CDK19: variants seen among roughly 807,000 people sequenced by gnomAD.
CDK19 encodes the protein cyclin dependent kinase 19.
In CDK19, 20 loss-of-function variants were observed where a neutral mutation model predicts 68.3. That is an observed-to-expected ratio of 0.29 (90% confidence interval 0.21 to 0.43). The LOEUF is 0.43. Among genes scored for constraint, CDK19 ranks in the 20% least tolerant of loss-of-function variants. The pLI is 1.00. For missense variants in CDK19, 339 were observed against 623.5 expected, an observed-to-expected ratio of 0.54 and a Z score of 4.86; for synonymous variants, 221 against 222.8, an observed-to-expected ratio of 0.99 and a Z score of 0.07.
At chr6:110,684,169 TA>T (rs1272710389) in intron 2 of CDK19, among the ~76,000 whole-genome samples, 4 of 151,838 alleles carry the variant, frequency 2.6e-5, no homozygotes, top group African/African-American at 9.7e-5. Context: ...TTCTGAGGGG[TA>T]TTCTAACTCA....
chr6:110,727,373 A>C (rs1355785712), intron 2 of CDK19, among the ~76,000 whole-genome samples: 1 of 152,088 alleles, frequency 6.6e-6, no homozygotes. Context: ...CTTTGAGATC[A>C]TCATGTCCAA....
chr6:110,696,561 G>A (rs576576199), intron 2 of CDK19, among the ~76,000 whole-genome samples: 31 of 152,242 alleles, frequency 2.0e-4, no homozygotes, highest in Admixed American at 7.2e-4. Context: ...TCAAAGTGTC[G>A]CTGCTTGCTG....
intron 8 of CDK19, among the ~76,000 whole-genome samples, chr6:110,626,101 T>C (rs1779072087): frequency 6.6e-6 from 1 of 152,202 alleles, no homozygotes. Context: ...TCACCAGTCA[T>C]TACTCAGATA....
intron 2 of CDK19, among the ~76,000 whole-genome samples, chr6:110,683,690 A>G (rs1463681259): frequency 6.6e-6 from 1 of 151,094 alleles, no homozygotes; most frequent in African/African-American, 2.4e-5. Flanking sequence ...TTTTTAGTAT[A>G]AGTATTTAAT....
intron 1 of CDK19, among the ~76,000 whole-genome samples, chr6:110,767,851 A>G (rs149482657): frequency 2.0e-5 from 3 of 152,334 alleles, no homozygotes; most frequent in African/African-American, 7.2e-5. Context: ...AGACTTGAGT[A>G]AAACTAAAAC....
chr6:110,709,957 G>C (rs1027686222), intron 2 of CDK19, among the ~76,000 whole-genome samples: 16 of 151,872 alleles, frequency 1.1e-4, no homozygotes, highest in Middle Eastern at 6.9e-3. Context: ...CTAATAAATA[G>C]GTTTGACTTT....
chr6:110,728,220 G>A lies in CDK19; in HGVS notation c.204+17906C>T, dbSNP rs545010712. Among the ~76,000 whole-genome samples, 13 of 151,582 alleles carry A rather than the reference G, an allele frequency of 8.6e-5. 1 individual carries two copies. The South Asian group carries it at 1.3e-3, about 15-fold the overall frequency. On this transcript the variant is annotated intron_variant, in intron 2 of 12. Coordinates refer to ENST00000368911, the MANE Select transcript of CDK19 (RefSeq NM_015076.5). ...GCAGAATTGCTTGAACCTGGGAAGC[G>A]GAGGTTGCAGTGAGCTGAGATTGCA...
chr6:110,722,623 CA>C (rs1775989158), intron 2 of CDK19, among the ~76,000 whole-genome samples: 1 of 151,660 alleles, frequency 6.6e-6, no homozygotes. Flanking sequence ...AAAATACTGT[CA>C]AATTTCAGTT....
intron 1 of CDK19, among the ~76,000 whole-genome samples, chr6:110,785,504 C>A (rs752839035): frequency 6.6e-6 from 1 of 152,096 alleles, no homozygotes; most frequent in Non-Finnish European, 1.5e-5. Context: ...ATAAGACAGA[C>A]AAAATATATT....
At position 110,670,585 on chromosome 6, in the gene CDK19, G is replaced by A. The variant is rs749411869; in HGVS notation, c.205-44C>T. The stretch of plus-strand genomic sequence containing the variant: ...GAGGGGTCACTGTTGTGTTAGCAAG[G>A]AGGGGGAAATGATGAATGTCTTATA... On this transcript the variant is annotated intron_variant, in intron 2 of 12. Coordinates refer to ENST00000368911, the MANE Select transcript of CDK19 (RefSeq NM_015076.5). 5.5e-5 allele frequency: 62 copies of A among 1,130,486 alleles called. 1 individual carries two copies. Among genetic ancestry groups the A allele is most frequent in the Non-Finnish European group, 1.7e-5 (13 of 743,080 alleles). The allele number at this position is 1,130,486 out of a possible 1,614,324, so 70.0% of individuals were successfully genotyped here. A position where few individuals can be genotyped will look rare whatever the true frequency, so the allele number is the denominator to read the frequency against.
At chr6:110,683,818 C>G (rs1252907555) in intron 2 of CDK19, among the ~76,000 whole-genome samples, 3 of 150,692 alleles carry the variant, frequency 2.0e-5, no homozygotes, top group African/African-American at 7.3e-5. Context: ...TCTCCTGCCT[C>G]AGCCTCCCGA....
intron 1 of CDK19, among the ~76,000 whole-genome samples, chr6:110,812,956 C>G (rs1783225240): frequency 6.6e-6 from 1 of 151,572 alleles, no homozygotes; most frequent in Non-Finnish European, 1.5e-5. Context: ...CAAATCTCAA[C>G]CAGATCTTTC....
At chr6:110,810,938 A>G (rs561344798) in intron 1 of CDK19, among the ~76,000 whole-genome samples, 2 of 152,212 alleles carry the variant, frequency 1.3e-5, no homozygotes, top group Admixed American at 6.6e-5. Context: ...TTTATACAGT[A>G]AGTTATCAAG....
At chr6:110,735,194 G>A (rs1357506361) in intron 2 of CDK19, among the ~76,000 whole-genome samples, 1 of 150,478 alleles carries the variant, frequency 6.6e-6, no homozygotes, top group Non-Finnish European at 1.5e-5. Context: ...CGATCCTCTT[G>A]CCTCAGCCTC....
chr6:110,743,745 C>A (rs1453188551), intron 2 of CDK19, among the ~76,000 whole-genome samples: 1 of 152,106 alleles, frequency 6.6e-6, no homozygotes. Context: ...GATTCCCTGG[C>A]ACATAGAAGT....
chr6:110,619,112 C>T (rs1419961351), intron 12 of CDK19, among the ~76,000 whole-genome samples: 1 of 152,148 alleles, frequency 6.6e-6, no homozygotes, highest in Admixed American at 6.5e-5. Context: ...GTCTCTCCAA[C>T]TAAATAGCTG....
intron 2 of CDK19, among the ~76,000 whole-genome samples, chr6:110,733,209 G>A (rs1390823425): frequency 6.6e-6 from 1 of 152,086 alleles, no homozygotes; most frequent in Non-Finnish European, 1.5e-5. Flanking sequence ...ACCCATATGT[G>A]TTATTTTGTA....
rs2115186477 is a variant in CDK19 at position 110,815,202 on chromosome 6, C to A, written c.-66G>T. ...CGCCGCTCAGTCCCTCCTCCTCCTC[C>A]CCCCGCGACCGCCGCTCCACTTCTC... On this transcript the variant is annotated 5_prime_UTR_variant, in exon 1 of 13. Coordinates refer to ENST00000368911, the MANE Select transcript of CDK19 (RefSeq NM_015076.5). 6.9e-7 allele frequency: 1 copy of A among 1,458,518 alleles called. No individual in the cohort carries two copies. Among genetic ancestry groups the A allele is most frequent in the East Asian group, 2.7e-5 (1 of 36,382 alleles). The allele number at this position is 1,458,518 out of a possible 1,614,324, so 90.3% of individuals were successfully genotyped here.
rs3817495 is a variant in CDK19, at chr6:110,621,509, G to A, written c.1111-139C>T. ...GACACTAGAGTGATGGGGAGGACTG[G>A]AGAATGGAGCAGCCAGGGAACACAG... On this transcript the variant is annotated intron_variant, in intron 11 of 12. Coordinates refer to ENST00000368911, the MANE Select transcript of CDK19 (RefSeq NM_015076.5). The surrounding 1 kb of genome is among the most constrained non-coding windows in gnomAD (Gnocchi z 5.4). The A allele has an allele frequency of 1.2e-6, 1 of 813,342 alleles. No individual in the cohort carries two copies. Among genetic ancestry groups the A allele is most frequent in the Non-Finnish European group, 1.9e-6 (1 of 520,170 alleles). The allele number at this position is 813,342 out of a possible 1,614,324, so 50.4% of individuals were successfully genotyped here.
Sources: allele counts gnomAD v4.1 joint callset (sites outside exome capture counted in the v4.1 genomes callset), GRCh38; gene constraint gnomAD v4.1.1; non-coding constraint Gnocchi (gnomAD v3.1); transcripts MANE v1.5; gene names NCBI Gene and HGNC (gene_info 2026-07-23, HGNC 2026-07-21).